DPH6: variants seen among roughly 807,000 people sequenced by gnomAD.
DPH6 encodes diphthamine biosynthesis 6.
Under a neutral mutation model 38.2 loss-of-function variants are expected in DPH6, and 33 were observed. The ratio of observed to expected loss-of-function variants is 0.86; its 90% CI spans 0.65 to 1.15. The LOEUF is 1.15. Among genes scored for constraint, DPH6 ranks in the 50% most tolerant of loss-of-function variants. DPH6 has a pLI of 0.00. For synonymous variants in DPH6, 108 were observed against 103.0 expected (o/e 1.05, Z -0.30); for missense variants, 325 against 320.0 (o/e 1.02, Z -0.12).
chr15:35,170,258 T>G, the DPH6 span, among the ~76,000 whole-genome samples: 518 of 152,318 alleles, frequency 3.4e-3, 4 homozygotes, highest in Middle Eastern at 0.02. Flanking sequence ...TTCTTGAGCT[T>G]GACTTCCATG....
chr15:35,361,894 T>C (rs2052617555), intron 3 of DPH6, among the ~76,000 whole-genome samples: 1 of 147,514 alleles, frequency 6.8e-6, no homozygotes. Context: ...TTGTAATGAT[T>C]ACTTTGAATT....
rs140939836 is a variant in DPH6, at chr15:35,356,954, T to C, written n.207+16567A>G. On this transcript the variant is annotated intron_variant and non_coding_transcript_variant, in intron 3 of 3. Coordinates refer to the DPH6 transcript ENST00000558973. ...ACTCAGTTCGAGCTTCCTGGCCACTTTGTTTACCTACTCAAGCCTCGGCAG... is the reference window on the plus strand; with the variant it reads ...ACTCAGTTCGAGCTTCCTGGCCACTCTGTTTACCTACTCAAGCCTCGGCAG... 4.1e-3 allele frequency among the ~76,000 whole-genome samples: 617 copies of C among 152,276 alleles called. 25 individuals carry two copies. In the East Asian group the frequency reaches 0.1, roughly 25 times the overall value.
At chr15:35,373,982 T>C (rs2052747763) in intron 7 of DPH6, among the ~76,000 whole-genome samples, 1 of 152,034 alleles carries the variant, frequency 6.6e-6, no homozygotes, top group Non-Finnish European at 1.5e-5. Context: ...TCTTTTCATT[T>C]TCAAGAGGTA....
the DPH6 span, among the ~76,000 whole-genome samples, chr15:35,164,833 C>A: frequency 6.6e-6 from 1 of 151,824 alleles, no homozygotes; most frequent in Non-Finnish European, 1.5e-5. Flanking sequence ...TGGGCTGTCA[C>A]TTTTGGAAAA....
At chr15:35,268,092 C>T (rs980952760) in intron 3 of DPH6, among the ~76,000 whole-genome samples, 6 of 152,016 alleles carry the variant, frequency 3.9e-5, no homozygotes, top group Middle Eastern at 3.4e-3. Context: ...ATGGTGTGAA[C>T]CTGGGAGGCA....
the DPH6 span, among the ~76,000 whole-genome samples, chr15:35,173,398 G>A: frequency 6.6e-6 from 1 of 152,078 alleles, no homozygotes; most frequent in South Asian, 2.1e-4. Context: ...ATTTCTCTCT[G>A]TTGTTTTACT....
intron 3 of DPH6, among the ~76,000 whole-genome samples, chr15:35,239,646 T>G (rs2051583197): frequency 1.4e-5 from 2 of 141,656 alleles, no homozygotes; most frequent in Non-Finnish European, 3.1e-5. Context: ...TAGCGGCAAG[T>G]CCCGCTTTCC....
At chr15:35,515,722 GAAAAAAAAA>G (rs61568573) in intron 3 of DPH6, among the ~76,000 whole-genome samples, 9 of 77,940 alleles carry the variant, frequency 1.2e-4, no homozygotes, top group Admixed American at 3.6e-4. Flanking sequence ...CTCCGTCTCA[GAAAAAAAAA>G]AAAAAAAAAA....
At chr15:35,257,204 G>A (rs1409347747) in intron 3 of DPH6, among the ~76,000 whole-genome samples, 2 of 152,160 alleles carry the variant, frequency 1.3e-5, no homozygotes, top group Non-Finnish European at 2.9e-5. Flanking sequence ...AAATAGGTAA[G>A]GGTACTAGTT....
intron 3 of DPH6, chr15:35,521,111 T>C (rs143864942): frequency 1.7e-5 from 17 of 985,234 alleles, no homozygotes; most frequent in East Asian, 2.3e-4. Flanking sequence ...AGTCAAAAAG[T>C]AAAGCAATGC....
chr15:35,230,195 G>A (rs1479147888), intron 3 of DPH6, among the ~76,000 whole-genome samples: 2 of 152,194 alleles, frequency 1.3e-5, no homozygotes, highest in Non-Finnish European at 2.9e-5. Context: ...CCCACCTGGT[G>A]TTCTACTATA....
chr15:35,197,696 G>A, the DPH6 span, among the ~76,000 whole-genome samples: 1 of 152,110 alleles, frequency 6.6e-6, no homozygotes, highest in Non-Finnish European at 1.5e-5. Flanking sequence ...CAGTTGTTTT[G>A]TTTCACCCCC....
chr15:35,266,857 T>C (rs2051786704), intron 3 of DPH6, among the ~76,000 whole-genome samples: 1 of 152,236 alleles, frequency 6.6e-6, no homozygotes, highest in South Asian at 2.1e-4. Context: ...ACATGGTTCA[T>C]GCATTCAAGG....
intron 4 of DPH6, among the ~76,000 whole-genome samples, chr15:35,451,829 T>C (rs557872334): frequency 5.3e-5 from 8 of 152,150 alleles, no homozygotes; most frequent in African/African-American, 1.4e-4. Flanking sequence ...GCTAACACGG[T>C]GAAACCCCGT....
chr15:35,277,913 G>C (rs1246624085), intron 3 of DPH6, among the ~76,000 whole-genome samples: 1 of 152,140 alleles, frequency 6.6e-6, no homozygotes, highest in African/African-American at 2.4e-5. Context: ...TCAGATACAG[G>C]AGCAAATAAA....
intron 5 of DPH6, 89 bp from the exon 6 acceptor site, chr15:35,410,985 G>C (rs2053359115): frequency 5.4e-6 from 6 of 1,119,304 alleles, no homozygotes; most frequent in Non-Finnish European, 6.4e-6. Context: ...TCCTCACCTA[G>C]AAAAGCAGTG....
At chr15:35,154,535 AT>A in the DPH6 span, among the ~76,000 whole-genome samples, 1 of 152,128 alleles carries the variant, frequency 6.6e-6, no homozygotes, top group Non-Finnish European at 1.5e-5. Flanking sequence ...TTGTTTCATA[AT>A]TTTAAGCAGA....
chr15:35,379,021 C>T (rs974942362), intron 7 of DPH6, among the ~76,000 whole-genome samples: 42 of 152,284 alleles, frequency 2.8e-4, no homozygotes, highest in African/African-American at 9.6e-4. Context: ...GGTACAACTG[C>T]ATTCTCTCTT....
At chr15:35,237,908 G>T in intron 3 of DPH6, 1 of 1,409,108 alleles carries the variant, frequency 7.1e-7, no homozygotes, top group Non-Finnish European at 1.0e-6. Flanking sequence ...GGAGGAAGGT[G>T]AAGAGGAGGA....
Sources: gnomAD v4.1 joint callset for allele counts (sites outside exome capture counted in the v4.1 genomes callset) on GRCh38, gnomAD v4.1.1 for gene constraint, MANE v1.5 for transcripts, NCBI Gene and HGNC (gene_info 2026-07-23, HGNC 2026-07-21) for gene names.